Variants in WNT7B observed in about 807,000 individuals in gnomAD.
WNT7B encodes protein Wnt-7b.
In WNT7B, 19 loss-of-function variants were observed where a neutral mutation model predicts 38.2. The observed-to-expected ratio is 0.50, with a 90% CI of 0.35 to 0.73. WNT7B has a LOEUF of 0.73. Among genes scored for constraint, WNT7B ranks in the 30% least tolerant of loss-of-function variants. The pLI, the probability that WNT7B is intolerant of heterozygous loss-of-function variation, is 0.01. For missense variants in WNT7B, 423 were observed against 507.9 expected, an observed-to-expected ratio of 0.83 and a Z score of 1.61; for synonymous variants, 243 against 209.3, an observed-to-expected ratio of 1.16 and a Z score of -1.39.
At chr22:45,954,396 C>T (rs4074029) in intron 1 of WNT7B, among the ~76,000 whole-genome samples, 41,423 of 152,108 alleles carry the variant, frequency 0.27, 8,082 homozygotes, top group African/African-American at 0.55. Flanking sequence ...TAAAAATAGT[C>T]AAAGTGGTAA....
intron 2 of WNT7B, among the ~76,000 whole-genome samples, chr22:45,943,724 T>A (rs1460636671): frequency 1.3e-5 from 2 of 152,126 alleles, no homozygotes; most frequent in African/African-American, 4.8e-5. Flanking sequence ...AGCCTCAGTC[T>A]CCCCATCTGT....
Position 45,935,183 on chromosome 22 carries a change from G to A in WNT7B, c.299-3814C>T, listed in dbSNP as rs529702730. 2.2e-4 allele frequency among the ~76,000 whole-genome samples: 34 copies of A among 152,306 alleles called. 1 individual carries two copies. In the South Asian group the frequency reaches 5.8e-3, roughly 26 times the overall value. ...GCCATCCTTCCTCCAGGCTGACAGC[G>A]AGCCAGTGCTTAGACTTAGAAGCCG... On this transcript the variant is annotated intron_variant, in intron 2 of 3. Transcript: ENST00000339464.
At chr22:45,926,924 CTCAG>C (rs1931102821) in intron 3 of WNT7B, 1 of 985,330 alleles carries the variant, frequency 1.0e-6, no homozygotes, top group South Asian at 4.7e-5. Flanking sequence ...GCTGTGGACC[CTCAG>C]TCAGGGAAGG....
intron 3 of WNT7B, among the ~76,000 whole-genome samples, chr22:45,929,318 T>C (rs1473357405): frequency 1.3e-5 from 2 of 151,824 alleles, no homozygotes; most frequent in African/African-American, 4.8e-5. Context: ...TGTCTGTGAG[T>C]TCCTTGGAGG....
chr22:45,925,419 G>A (rs1421338281), intron 3 of WNT7B: 2 of 985,270 alleles, frequency 2.0e-6, no homozygotes, highest in African/African-American at 3.5e-5. Context: ...CAGGATGGCA[G>A]AGGGTGGGAG....
In WNT7B at chr22:45,966,870, G is replaced by C. The variant is rs1944205366; in HGVS notation, c.71+9814C>G. On this transcript the variant is annotated intron_variant, in intron 1 of 3. Transcript: ENST00000339464. This position sits in a 1 kb window ranked among gnomAD's most constrained non-coding sequence, Gnocchi z 4.2. ...GGCTGCTTGCACAGAGAACCTGTGA[G>C]CGCTGCTTCTCTGCCCAGGCAGGGA... Among the ~76,000 whole-genome samples, 1 of 152,232 alleles carries C rather than the reference G, an allele frequency of 6.6e-6. No individual in the cohort carries two copies. The highest frequency in any genetic ancestry group is 2.4e-5 in the African/African-American group (1 of 41,452).
At chr22:45,943,810 A>G (rs1223121652) in intron 2 of WNT7B, among the ~76,000 whole-genome samples, 1 of 152,198 alleles carries the variant, frequency 6.6e-6, no homozygotes, top group African/African-American at 2.4e-5. Flanking sequence ...CATGAAAGAA[A>G]TGACCCTCCT....
chr22:45,966,211 C>A lies in WNT7B; in HGVS notation c.71+10473G>T, dbSNP rs930140768. Among the ~76,000 whole-genome samples, 1 of 152,352 alleles carries A rather than the reference C, an allele frequency of 6.6e-6. No homozygotes were observed. ...GAAGTGGGAATGCCTCATCCTGTGT[C>A]CCCCAGGCGGGGGTCTGCAGGGCAG... is the stretch of plus-strand genomic sequence containing the variant. On this transcript the variant is annotated intron_variant, in intron 1 of 3. Coordinates refer to ENST00000339464, the MANE Select transcript of WNT7B (RefSeq NM_058238.3). This position sits in a 1 kb window ranked among gnomAD's most constrained non-coding sequence, Gnocchi z 4.2.
chr22:45,967,146 C>T (rs1932330129), intron 1 of WNT7B, among the ~76,000 whole-genome samples: 1 of 152,210 alleles, frequency 6.6e-6, no homozygotes, highest in Non-Finnish European at 1.5e-5. Flanking sequence ...GAGGTGAGGC[C>T]CCCAGCCCTG....
At chr22:45,944,377 G>A (rs879490292) in intron 2 of WNT7B, among the ~76,000 whole-genome samples, 5 of 152,294 alleles carry the variant, frequency 3.3e-5, no homozygotes, top group Non-Finnish European at 5.9e-5. Flanking sequence ...CTCAGGCTCC[G>A]TCCTCCCAGG....
intron 1 of WNT7B, among the ~76,000 whole-genome samples, chr22:45,970,809 C>T (rs1251228603): frequency 2.0e-5 from 3 of 152,212 alleles, no homozygotes; most frequent in African/African-American, 4.8e-5. Context: ...GACCCAGGGA[C>T]CCTGGCACTT....
intron 2 of WNT7B, among the ~76,000 whole-genome samples, chr22:45,939,672 A>ACACAC (rs1477583799): frequency 1.2e-4 from 13 of 104,416 alleles, no homozygotes; most frequent in Admixed American, 2.6e-4. Context: ...CACACACACA[A>ACACAC]AAATAGCCAG....
chr22:45,969,623 C>G (rs1420246018), intron 1 of WNT7B, among the ~76,000 whole-genome samples: 1 of 152,250 alleles, frequency 6.6e-6, no homozygotes, highest in Non-Finnish European at 1.5e-5. Context: ...GCGCAGGGCG[C>G]TTCCAGGCCA....
At chr22:45,945,740 C>A (rs1400350430) in intron 2 of WNT7B, among the ~76,000 whole-genome samples, 1 of 152,228 alleles carries the variant, frequency 6.6e-6, no homozygotes, top group African/African-American at 2.4e-5. Flanking sequence ...CTCTCAGATA[C>A]CCCGAGATGG....
intron 3 of WNT7B, chr22:45,927,580 T>C (rs1278275666): frequency 9.1e-7 from 1 of 1,093,878 alleles, no homozygotes; most frequent in Non-Finnish European, 1.4e-6. Context: ...AGGCCCTAAA[T>C]CCAATGAGAG....
rs865952283 is a variant in WNT7B at position 45,965,917 on chromosome 22, C to T, written c.71+10767G>A. On this transcript the variant is annotated intron_variant, in intron 1 of 3. Coordinates refer to ENST00000339464, the MANE Select transcript of WNT7B (RefSeq NM_058238.3). The surrounding 1 kb of genome is among the most constrained non-coding windows in gnomAD (Gnocchi z 6.5). ...CAGAGCCCGCCCAAGGCTGGAAACC[C>T]GCCTTAGTAAAACACCGTGACAAGT... Among the ~76,000 whole-genome samples the T allele has an allele frequency of 2.6e-5, 4 of 152,174 alleles. No homozygotes were observed. The highest frequency in any genetic ancestry group is 6.5e-5 in the Admixed American group (1 of 15,274).
chr22:45,948,260 C>T (rs757233510), intron 2 of WNT7B, among the ~76,000 whole-genome samples: 1 of 152,232 alleles, frequency 6.6e-6, no homozygotes, highest in African/African-American at 2.4e-5. Context: ...CTCGTGCCGA[C>T]GCCCTCCCCA....
intron 3 of WNT7B, among the ~76,000 whole-genome samples, chr22:45,930,292 C>T (rs181842397): frequency 1.2e-3 from 188 of 152,366 alleles, no homozygotes; most frequent in Admixed American, 4.6e-3. Flanking sequence ...TCCCTGGGCC[C>T]GAGGGATTCT....
chr22:45,943,912 G>A (rs572540434), intron 2 of WNT7B, among the ~76,000 whole-genome samples: 46 of 152,294 alleles, frequency 3.0e-4, no homozygotes, highest in African/African-American at 1.0e-3. Context: ...CCACCCCGGG[G>A]TCTGTGTCCT....
Sources: allele counts gnomAD v4.1 joint callset (sites outside exome capture counted in the v4.1 genomes callset), GRCh38; gene constraint gnomAD v4.1.1; non-coding constraint Gnocchi (gnomAD v3.1); transcripts MANE v1.5; gene names NCBI Gene and HGNC (gene_info 2026-07-23, HGNC 2026-07-21).